Variants in KIF6 observed in about 807,000 individuals in gnomAD.
KIF6 encodes kinesin-like protein KIF6.
A neutral mutation model predicts 112.7 loss-of-function variants in KIF6; 106 were observed. The observed-to-expected ratio is 0.94, with a 90% confidence interval of 0.80 to 1.11. The LOEUF (loss-of-function observed/expected upper bound fraction) is 1.11, where lower values mean the gene tolerates loss of function less well. Among genes scored for constraint, KIF6 ranks in the 50% least tolerant of loss-of-function variants. KIF6 has a pLI of 0.00. For synonymous variants in KIF6, 339 were observed against 339.9 expected (o/e 1.00, Z 0.03); for missense variants, 929 against 964.0 (o/e 0.96, Z 0.48).
At chr6:39,529,129 C>G (rs1462640365) in intron 13 of KIF6, among the ~76,000 whole-genome samples, 1 of 152,130 alleles carries the variant, frequency 6.6e-6, no homozygotes, top group African/African-American at 2.4e-5. Flanking sequence ...AAACCGGATG[C>G]TTATCTCACA....
intron 13 of KIF6, among the ~76,000 whole-genome samples, chr6:39,485,310 C>T (rs192929576): frequency 6.6e-6 from 1 of 152,294 alleles, no homozygotes; most frequent in East Asian, 1.9e-4. Flanking sequence ...TGAAAATGCA[C>T]ACAGCTTCTT....
chr6:39,519,280 T>A (rs1777249238), intron 13 of KIF6, among the ~76,000 whole-genome samples: 1 of 152,198 alleles, frequency 6.6e-6, no homozygotes, highest in African/African-American at 2.4e-5. Context: ...ATAAAACTTA[T>A]TTCCAAAAAT....
chr6:39,658,928 C>T (rs968385491), intron 3 of KIF6, among the ~76,000 whole-genome samples: 8 of 152,182 alleles, frequency 5.3e-5, no homozygotes, highest in Non-Finnish European at 1.2e-4. Context: ...GCTAGAAGGA[C>T]CAGTCTGGGT....
At chr6:39,683,153 C>T (rs1787638468) in intron 3 of KIF6, among the ~76,000 whole-genome samples, 1 of 152,166 alleles carries the variant, frequency 6.6e-6, no homozygotes, top group Non-Finnish European at 1.5e-5. Context: ...TTGAGAGAGC[C>T]TTTATAGCAC....
intron 2 of KIF6, among the ~76,000 whole-genome samples, chr6:39,719,680 C>A (rs1284117066): frequency 6.6e-6 from 1 of 152,176 alleles, no homozygotes; most frequent in East Asian, 1.9e-4. Flanking sequence ...AGACCAAAGA[C>A]ACTGATGACC....
intron 3 of KIF6, among the ~76,000 whole-genome samples, chr6:39,655,432 C>G (rs1466835863): frequency 6.6e-6 from 1 of 151,924 alleles, no homozygotes; most frequent in African/African-American, 2.4e-5. Flanking sequence ...CTTATAGTGG[C>G]CTTTGTTGTC....
At chr6:39,525,150 T>C (rs1164160319) in intron 13 of KIF6, among the ~76,000 whole-genome samples, 2 of 152,132 alleles carry the variant, frequency 1.3e-5, no homozygotes, top group African/African-American at 4.8e-5. Context: ...CCCAGAATTT[T>C]TTTTATTTTT....
At chr6:39,470,136 C>T (rs1182337805) in intron 13 of KIF6, among the ~76,000 whole-genome samples, 2 of 151,852 alleles carry the variant, frequency 1.3e-5, no homozygotes, top group Non-Finnish European at 2.9e-5. Flanking sequence ...GGAGGGAGGG[C>T]CAAAGTGGAT....
intron 13 of KIF6, among the ~76,000 whole-genome samples, chr6:39,447,240 G>T (rs759996659): frequency 1.1e-4 from 17 of 152,182 alleles, no homozygotes; most frequent in South Asian, 2.1e-4. Flanking sequence ...GACAGGACAG[G>T]GGCTTTCCAC....
intron 13 of KIF6, among the ~76,000 whole-genome samples, chr6:39,527,413 C>A (rs1172612494): frequency 6.6e-6 from 1 of 152,070 alleles, no homozygotes. Flanking sequence ...GCTCTCCAGG[C>A]ACCTCATCTC....
chr6:39,384,702 G>A (rs1213783884), intron 16 of KIF6, among the ~76,000 whole-genome samples: 1 of 152,186 alleles, frequency 6.6e-6, no homozygotes, highest in Non-Finnish European at 1.5e-5. Context: ...CCTGGGTGCT[G>A]GATTTCTCCG....
intron 14 of KIF6, among the ~76,000 whole-genome samples, chr6:39,427,427 C>T (rs947575766): frequency 6.6e-6 from 1 of 152,198 alleles, no homozygotes; most frequent in Non-Finnish European, 1.5e-5. Context: ...CTTCCTTAAG[C>T]AGTTATGAAC....
chr6:39,340,785 T>A (rs1429947795), intron 22 of KIF6, among the ~76,000 whole-genome samples: 2 of 151,994 alleles, frequency 1.3e-5, no homozygotes, highest in Non-Finnish European at 2.9e-5. Flanking sequence ...TTGGAGAGAG[T>A]TAGATGATCA....
intron 3 of KIF6, among the ~76,000 whole-genome samples, chr6:39,672,939 T>C (rs1385609726): frequency 1.3e-5 from 2 of 152,134 alleles, no homozygotes; most frequent in Admixed American, 6.5e-5. Context: ...TGAAAGAAAC[T>C]AGAGTAGCTC....
At chr6:39,540,345 G>C (rs1389310700) in intron 12 of KIF6, 124 bp from the exon 13 acceptor site, 2 of 661,040 alleles carry the variant, frequency 3.0e-6, no homozygotes, top group African/African-American at 1.8e-5. Context: ...CTGAAGGAAG[G>C]CTTCAACTTC....
intron 5 of KIF6, among the ~76,000 whole-genome samples, chr6:39,620,137 C>T (rs1163938174): frequency 6.6e-6 from 1 of 152,200 alleles, no homozygotes; most frequent in East Asian, 1.9e-4. Flanking sequence ...TTTCTAAAAA[C>T]ATTCAGCCAT....
At chr6:39,705,797 G>A (rs185043734) in intron 3 of KIF6, among the ~76,000 whole-genome samples, 107 of 152,292 alleles carry the variant, frequency 7.0e-4, no homozygotes, top group African/African-American at 2.5e-3. Flanking sequence ...GTAGAAATAA[G>A]TCCCAGTTGC....
At chr6:39,611,033 G>A (rs114242882) in intron 6 of KIF6, among the ~76,000 whole-genome samples, 2,984 of 152,292 alleles carry the variant, frequency 0.02, 92 homozygotes, top group African/African-American at 0.068. Context: ...CTGGCTGGGC[G>A]CGGTGGCTCA....
intron 13 of KIF6, among the ~76,000 whole-genome samples, chr6:39,465,221 T>C (rs543780949): frequency 6.6e-6 from 1 of 152,318 alleles, no homozygotes; most frequent in East Asian, 1.9e-4. Flanking sequence ...GCCATAAGGT[T>C]ATCAAAGGAG....
Sources: gnomAD v4.1 joint callset for allele counts (sites outside exome capture counted in the v4.1 genomes callset) on GRCh38, gnomAD v4.1.1 for gene constraint, MANE v1.5 for transcripts, NCBI Gene and HGNC (gene_info 2026-07-23, HGNC 2026-07-21) for gene names.